Variants in KLHL14 observed in about 807,000 individuals in gnomAD.
KLHL14 encodes the protein kelch-like protein 14.
KLHL14 carries 22 observed loss-of-function variants against 64.3 expected under a neutral mutation model. That is an observed-to-expected ratio of 0.34 (90% confidence interval 0.24 to 0.49). The LOEUF (loss-of-function observed/expected upper bound fraction) is 0.49, where lower values mean the gene tolerates loss of function less well. Among genes scored for constraint, KLHL14 ranks in the 20% least tolerant of loss-of-function variants. The probability of loss-of-function intolerance (pLI) is 0.99; values close to 1 mark genes in which losing one functional copy is unlikely to be tolerated. For synonymous variants in KLHL14, 322 were observed against 333.4 expected (o/e 0.97, Z 0.37); for missense variants, 661 against 789.0 (o/e 0.84, Z 1.94).
chr18:32,749,298 C>G (rs1483290327), intron 2 of KLHL14, among the ~76,000 whole-genome samples: 1 of 152,082 alleles, frequency 6.6e-6, no homozygotes, highest in Non-Finnish European at 1.5e-5. Flanking sequence ...AATCATTACC[C>G]CATCTTTCCG....
At chr18:32,716,539 T>C (rs1033380116) in intron 3 of KLHL14, among the ~76,000 whole-genome samples, 8 of 152,112 alleles carry the variant, frequency 5.3e-5, no homozygotes, top group Admixed American at 3.9e-4. Context: ...CTCAGCCTCC[T>C]GAGTAGCTGG....
intron 2 of KLHL14, among the ~76,000 whole-genome samples, chr18:32,760,621 T>G (rs1169549278): frequency 1.3e-5 from 2 of 152,078 alleles, no homozygotes; most frequent in Non-Finnish European, 2.9e-5. Flanking sequence ...TCTGAGGAAG[T>G]TCAGAGTCCC....
rs2049949036 is a variant in KLHL14, at chr18:32,698,841, C to T, written c.1070-3289G>A. Among the ~76,000 whole-genome samples, 2 of 152,070 alleles carry T rather than the reference C, an allele frequency of 1.3e-5. 1 individual carries two copies. Among genetic ancestry groups the T allele is most frequent in the South Asian group, 4.2e-4 (2 of 4,810 alleles). ...TTGTACCATTTTTGCCCGTTCCACT[C>T]CAAACACCCAAAATTCTATTCTAGT... On this transcript the variant is annotated intron_variant, in intron 3 of 8. Transcript: ENST00000359358.
intron 2 of KLHL14, among the ~76,000 whole-genome samples, chr18:32,749,177 A>C (rs958872505): frequency 1.3e-5 from 2 of 152,210 alleles, no homozygotes; most frequent in Non-Finnish European, 2.9e-5. Context: ...TACTTTCTCT[A>C]CATAGGGTCT....
chr18:32,749,766 C>G (rs962774092), intron 2 of KLHL14, among the ~76,000 whole-genome samples: 5 of 152,084 alleles, frequency 3.3e-5, no homozygotes, highest in African/African-American at 1.2e-4. Context: ...ATTTTCACAT[C>G]TGGTGGTACA....
intron 3 of KLHL14, among the ~76,000 whole-genome samples, chr18:32,697,570 G>T (rs1459381172): frequency 1.3e-5 from 2 of 151,816 alleles, no homozygotes; most frequent in African/African-American, 2.4e-5. Flanking sequence ...AATGAAAAAC[G>T]GTATTATCTT....
intron 5 of KLHL14, among the ~76,000 whole-genome samples, chr18:32,681,497 C>A (rs1214115992): frequency 6.6e-6 from 1 of 152,056 alleles, no homozygotes; most frequent in African/African-American, 2.4e-5. Flanking sequence ...ATTCAAACAG[C>A]AGTCAAAAAT....
chr18:32,771,062 C>A, intron 1 of KLHL14: 1 of 290,914 alleles, frequency 3.4e-6, no homozygotes, highest in Non-Finnish European at 7.2e-6. Context: ...AGTGGGGAGC[C>A]GGGGGTGCCC....
chr18:32,700,623 A>G (rs2049961342), intron 3 of KLHL14, among the ~76,000 whole-genome samples: 1 of 152,138 alleles, frequency 6.6e-6, no homozygotes, highest in African/African-American at 2.4e-5. Flanking sequence ...CCATTAATCA[A>G]GTATTTGTTT....
At chr18:32,745,129 T>C (rs1415590090) in intron 2 of KLHL14, 1 of 152,262 alleles carries the variant, frequency 6.6e-6, no homozygotes, top group Non-Finnish European at 1.5e-5. Flanking sequence ...GATGTATGGC[T>C]TTCTTAGTGA....
intron 2 of KLHL14, among the ~76,000 whole-genome samples, chr18:32,760,254 A>T (rs1971871456): frequency 2.0e-5 from 3 of 152,182 alleles, no homozygotes; most frequent in East Asian, 3.9e-4. Context: ...TTTATCTGAT[A>T]AAAAAACACA....
At chr18:32,725,883 C>T (rs1010966341) in intron 3 of KLHL14, among the ~76,000 whole-genome samples, 1 of 152,170 alleles carries the variant, frequency 6.6e-6, no homozygotes, top group Non-Finnish European at 1.5e-5. Context: ...ACTTGTTTTA[C>T]CTCTTTATGC....
intron 3 of KLHL14, chr18:32,737,922 T>C (rs2050174418): frequency 6.6e-6 from 1 of 152,180 alleles, no homozygotes. Context: ...CTTAGCTCCA[T>C]AATTTTCATT....
chr18:32,679,947 C>A (rs2049830012), intron 7 of KLHL14, among the ~76,000 whole-genome samples: 1 of 152,038 alleles, frequency 6.6e-6, no homozygotes, highest in Non-Finnish European at 1.5e-5. Context: ...CATCATTATC[C>A]TTTTCTTTTA....
chr18:32,678,548 A>C (rs2049822351), intron 7 of KLHL14, among the ~76,000 whole-genome samples: 1 of 152,130 alleles, frequency 6.6e-6, no homozygotes, highest in South Asian at 2.1e-4. Context: ...TTTGAAGCAT[A>C]TACACTTAGA....
chr18:32,693,407 CACACACAGAGAGAG>C (rs1568066363), intron 4 of KLHL14, among the ~76,000 whole-genome samples: 4 of 119,794 alleles, frequency 3.3e-5, no homozygotes, highest in African/African-American at 1.3e-4. Context: ...CACACACACA[CACACACAGAGAGAG>C]AGAGAGAGAG....
chr18:32,685,916 T>C (rs2049874912), intron 5 of KLHL14, among the ~76,000 whole-genome samples: 1 of 152,146 alleles, frequency 6.6e-6, no homozygotes. Flanking sequence ...CTCAGGGTAA[T>C]CTACTTAAAT....
At chr18:32,730,554 C>G (rs1302427569) in intron 3 of KLHL14, among the ~76,000 whole-genome samples, 1 of 152,114 alleles carries the variant, frequency 6.6e-6, no homozygotes, top group Non-Finnish European at 1.5e-5. Flanking sequence ...TACCCATCAT[C>G]CTTACCATTA....
chr18:32,734,200 G>A (rs1376404016), intron 3 of KLHL14: 1 of 702,886 alleles, frequency 1.4e-6, no homozygotes. Context: ...GAACTCTGGT[G>A]AGCTTGCACT....
Sources: allele counts gnomAD v4.1 joint callset (sites outside exome capture counted in the v4.1 genomes callset), GRCh38; gene constraint gnomAD v4.1.1; transcripts MANE v1.5; gene names NCBI Gene and HGNC (gene_info 2026-07-23, HGNC 2026-07-21).